The following OR56A1 variants were observed in gnomAD, a reference collection of about 807,000 sequenced individuals.
The protein encoded by OR56A1 is olfactory receptor family 56 subfamily A member 1, also known as olfactory receptor 56A1.
For synonymous variants in OR56A1, 174 were observed against 159.1 expected, an observed-to-expected ratio of 1.09 and a Z score of -0.70; for missense variants, 360 against 380.9, an observed-to-expected ratio of 0.94 and a Z score of 0.46.
chr11:6,027,097 C>A lies in OR56A1; in HGVS notation c.596G>T (p.Arg199Ile). The change falls in exon 2 of 2, where the codon AGA becomes ATA. Residue 199 changes from arginine (R) to isoleucine (I), a missense_variant. Arg to Ile is a moderately conservative substitution (Grantham distance 97). Coordinates refer to ENST00000641900, the MANE Select transcript of OR56A1 (RefSeq NM_001388488.1). ...RLSCDNFTLN[R>I]IYQFVAGWTL... Reference sequence around the variant, plus strand: ...CCAACCAGCCACAAATTGGTAGATTCTGTTAAGGGTGAAATTATCACAGGA... The same window carrying A: ...CCAACCAGCCACAAATTGGTAGATTATGTTAAGGGTGAAATTATCACAGGA... The A allele has an allele frequency of 6.2e-7, 1 of 1,614,192 alleles. No individual in the cohort carries two copies. Among genetic ancestry groups the A allele is most frequent in the Non-Finnish European group, 8.5e-7 (1 of 1,180,016 alleles).
rs866995561 is a variant in OR56A1, at chr11:6,020,944, A to C, written c.*5804T>G. 2.4e-4 allele frequency: 36 copies of C among 152,056 alleles called. No individual in the cohort carries two copies. Among genetic ancestry groups the C allele is most frequent in the African/African-American group, 8.4e-4 (35 of 41,428 alleles). The allele number at this position is 152,056 out of a possible 1,614,324, so 9.4% of individuals were successfully genotyped here. On this transcript the variant is annotated 3_prime_UTR_variant, in exon 2 of 2. Transcript: ENST00000641900. ...TTTTGGAGGTCAAAAGTTAAGAGAA[A>C]ATTTTAGAATTTCTTTGAGTAAAGA... is the stretch of plus-strand genomic sequence containing the variant.
intron 1 of OR56A1, among the ~76,000 whole-genome samples, chr11:6,030,281 C>T (rs1848499719): frequency 6.6e-6 from 1 of 152,140 alleles, no homozygotes; most frequent in Non-Finnish European, 1.5e-5. Flanking sequence ...TATTACCAGT[C>T]ATCTGATTAA....
Position 6,027,411 on chromosome 11 carries a change from C to T in OR56A1, c.282G>A (p.Ser94=), listed in dbSNP as rs368602860. The part of the protein sequence containing the change: ...VLAIFWYDLR[S]ISFPACFLQM... ...GGAGGAAGCAGGCAGGGAAGCTGATCGACCTAAGATCATACCAGAAGATGG... is the reference window on the plus strand; with the variant it reads ...GGAGGAAGCAGGCAGGGAAGCTGATTGACCTAAGATCATACCAGAAGATGG... Residue 94 remains serine (S), a synonymous_variant, in exon 2 of 2, where the codon TCG becomes TCA. Transcript: ENST00000641900. The T allele has an allele frequency of 1.2e-5, 19 of 1,614,058 alleles. No individual in the cohort carries two copies. Among genetic ancestry groups the T allele is most frequent in the African/African-American group, 5.3e-5 (4 of 74,902 alleles).
Position 6,030,682 on chromosome 11 carries a change from T to G in OR56A1, c.-35+20A>C, listed in dbSNP as rs1191112321. ...TTCTCTTGGAAGGCTGTGCATCTTA[T>G]GCTTCTACACAACACTTACTTTCTC... On this transcript the variant is annotated intron_variant, in intron 1 of 1. Transcript: ENST00000641900. The G allele has an allele frequency of 6.6e-6, 1 of 152,210 alleles. No homozygotes were observed. Among genetic ancestry groups the G allele is most frequent in the Non-Finnish European group, 1.5e-5 (1 of 68,050 alleles). The allele number at this position is 152,210 out of a possible 1,614,324, so 9.4% of individuals were successfully genotyped here.
upstream of OR56A1, among the ~76,000 whole-genome samples, chr11:6,032,216 TTATAA>T (rs1848519417): frequency 6.6e-6 from 1 of 152,206 alleles, no homozygotes; most frequent in Middle Eastern, 3.4e-3. Flanking sequence ...CATTTCAAAC[TTATAA>T]TAGAAGAAAA....
At position 6,024,979 on chromosome 11, in the gene OR56A1, C is replaced by T. The variant is rs181642585; in HGVS notation, c.*1769G>A. Reference sequence around the variant, plus strand: ...TGTTGAGTGACTGGAAGAAACTCTCCTCCTAGAGCCCACACCAGCATTGGG... The same window carrying T: ...TGTTGAGTGACTGGAAGAAACTCTCTTCCTAGAGCCCACACCAGCATTGGG... On this transcript the variant is annotated 3_prime_UTR_variant, in exon 2 of 2. Transcript: ENST00000641900. The T allele has an allele frequency of 3.8e-4, 58 of 152,302 alleles. No homozygotes were observed. Among genetic ancestry groups the T allele is most frequent in the African/African-American group, 1.3e-3 (55 of 41,554 alleles). 9.4% of individuals were successfully genotyped at this position (152,302 alleles called of 1,614,324 possible). A position where few individuals can be genotyped will look rare whatever the true frequency, so the allele number is the denominator to read the frequency against.
At position 6,027,406 on chromosome 11, in the gene OR56A1, C is replaced by T. The variant is rs1848464243; in HGVS notation, c.287G>A (p.Ser96Asn). Residue 96 changes from serine to asparagine, a missense_variant, in exon 2 of 2, where the codon AGC becomes AAC. Ser to Asn is a conservative substitution (Grantham distance 46). Transcript: ENST00000641900. ...CATCTGGAGGAAGCAGGCAGGGAAGCTGATCGACCTAAGATCATACCAGAA... is the reference window on the plus strand; with the variant it reads ...CATCTGGAGGAAGCAGGCAGGGAAGTTGATCGACCTAAGATCATACCAGAA... ...AIFWYDLRSISFPACFLQMFI... is the reference protein window; with the variant it reads ...AIFWYDLRSINFPACFLQMFI... 3 of 1,614,194 alleles carry T rather than the reference C, an allele frequency of 1.9e-6. No homozygotes were observed. Among genetic ancestry groups the T allele is most frequent in the African/African-American group, 2.7e-5 (2 of 75,042 alleles).
chr11:6,019,648 G>C lies in OR56A1; in HGVS notation c.*7100C>G, dbSNP rs76193410. 4,309 of 151,900 alleles carry C rather than the reference G, an allele frequency of 0.028. 210 individuals are homozygous for C. Among genetic ancestry groups the C allele is most frequent in the African/African-American group, 0.098 (4,055 of 41,394 alleles). The allele number at this position is 151,900 out of a possible 1,614,324, so 9.4% of individuals were successfully genotyped here. A position where few individuals can be genotyped will look rare whatever the true frequency, so the allele number is the denominator to read the frequency against. On this transcript the variant is annotated 3_prime_UTR_variant, in exon 2 of 2. Transcript: ENST00000641900. Reference sequence around the variant, plus strand: ...TTCATTCACTATCATGAGAATTATGGGTGCAGGAAAGACCCACCCCCATAA... The same window carrying C: ...TTCATTCACTATCATGAGAATTATGCGTGCAGGAAAGACCCACCCCCATAA...
chr11:6,030,174 C>A (rs1298004736), intron 1 of OR56A1, among the ~76,000 whole-genome samples: 1 of 152,102 alleles, frequency 6.6e-6, no homozygotes, highest in East Asian at 1.9e-4. Context: ...AGTACTATTA[C>A]CTCGAGTAAA....
rs368602860 is a variant in OR56A1 at position 6,027,411 on chromosome 11, C to G, written c.282G>C (p.Ser94=). 5.0e-6 allele frequency: 8 copies of G among 1,614,176 alleles called. No individual in the cohort carries two copies. The African/African-American group carries it at 5.3e-5, about 11-fold the overall frequency. ...GGAGGAAGCAGGCAGGGAAGCTGAT[C>G]GACCTAAGATCATACCAGAAGATGG... is the stretch of plus-strand genomic sequence containing the variant. ...VLAIFWYDLR[S]ISFPACFLQM... The change falls in exon 2 of 2, where the codon TCG becomes TCC. Residue 94 remains serine, a synonymous_variant. Transcript: ENST00000641900.
At position 6,026,637 on chromosome 11, in the gene OR56A1, G is replaced by T; in HGVS notation, c.*111C>A. On this transcript the variant is annotated 3_prime_UTR_variant, in exon 2 of 2. Transcript: ENST00000641900. ...GAAGGAATCTGGTTCAGTAATGAAGGGAGCCTCAGTGCATGCAATAAACAC... is the reference window on the plus strand; with the variant it reads ...GAAGGAATCTGGTTCAGTAATGAAGTGAGCCTCAGTGCATGCAATAAACAC... 1 of 686,244 alleles carries T rather than the reference G, an allele frequency of 1.5e-6. No homozygotes were observed. Among genetic ancestry groups the T allele is most frequent in the Non-Finnish European group, 2.5e-6 (1 of 397,516 alleles). 42.5% of individuals were successfully genotyped at this position (686,244 alleles called of 1,614,324 possible). A position where few individuals can be genotyped will look rare whatever the true frequency, so the allele number is the denominator to read the frequency against.
chr11:6,022,678 T>C lies in OR56A1; in HGVS notation c.*4070A>G, dbSNP rs917303573. ...CTGGTCCCTATTGATTAAATGACTA[T>C]GTATAATTTATCATTTTGCTCAGTT... On this transcript the variant is annotated 3_prime_UTR_variant, in exon 2 of 2. Coordinates refer to ENST00000641900, the MANE Select transcript of OR56A1 (RefSeq NM_001388488.1). 1 of 152,148 alleles carries C rather than the reference T, an allele frequency of 6.6e-6. No individual in the cohort carries two copies. The highest frequency in any genetic ancestry group is 2.4e-5 in the African/African-American group (1 of 41,442). The allele number at this position is 152,148 out of a possible 1,614,324, so 9.4% of individuals were successfully genotyped here. A position where few individuals can be genotyped will look rare whatever the true frequency, so the allele number is the denominator to read the frequency against.
At chr11:6,031,983 G>A (rs760307554), upstream of OR56A1, among the ~76,000 whole-genome samples, 1 of 152,010 alleles carries the variant, frequency 6.6e-6, no homozygotes, top group Non-Finnish European at 1.5e-5. Context: ...AAAAACCAAG[G>A]GGAAAATTTC....
chr11:6,021,290 AC>A lies in OR56A1; in HGVS notation c.*5457del, dbSNP rs1489321372. 1 of 152,128 alleles carries A rather than the reference AC, an allele frequency of 6.6e-6. No individual in the cohort carries two copies. The highest frequency in any genetic ancestry group is 1.5e-5 in the Non-Finnish European group (1 of 67,996). 9.4% of individuals were successfully genotyped at this position (152,128 alleles called of 1,614,324 possible). A position where few individuals can be genotyped will look rare whatever the true frequency, so the allele number is the denominator to read the frequency against. ...AATTTAAAAAATGTATTGATCCTACACAAATTACAATTAGAAAGGAGAAACA... is the reference window on the plus strand; with the variant it reads ...AATTTAAAAAATGTATTGATCCTACAAAATTACAATTAGAAAGGAGAAACA... On this transcript the variant is annotated 3_prime_UTR_variant, in exon 2 of 2. Transcript: ENST00000641900.
In OR56A1 at chr11:6,027,106, G is replaced by C; in HGVS notation, c.587C>G (p.Thr196Ser). The C allele has an allele frequency of 6.2e-7, 1 of 1,614,158 alleles. No individual in the cohort carries two copies. Among genetic ancestry groups the C allele is most frequent in the Non-Finnish European group, 8.5e-7 (1 of 1,179,982 alleles). Residue 196 changes from threonine to serine, a missense_variant, in exon 2 of 2, where the codon ACC (threonine) becomes AGC (serine). Transcript: ENST00000641900. ...CACAAATTGGTAGATTCTGTTAAGG[G>C]TGAAATTATCACAGGAGAGCCTGGA... ...SVSRLSCDNF[T>S]LNRIYQFVAG...
At chr11:6,028,874 T>C (rs1262213764) in intron 1 of OR56A1, among the ~76,000 whole-genome samples, 1 of 152,088 alleles carries the variant, frequency 6.6e-6, no homozygotes. Context: ...AGCAAAGATA[T>C]GGAATCAACC....
In OR56A1 at chr11:6,027,407, T is replaced by C. The variant is rs1177639613; in HGVS notation, c.286A>G (p.Ser96Gly). The C allele has an allele frequency of 1.2e-6, 2 of 1,614,206 alleles. No individual in the cohort carries two copies. The highest frequency in any genetic ancestry group is 1.7e-6 in the Non-Finnish European group (2 of 1,180,028). Residue 96 changes from serine to glycine, a missense_variant, in exon 2 of 2, where the codon AGC becomes GGC. Transcript: ENST00000641900. Reference protein sequence around the residue: ...AIFWYDLRSISFPACFLQMFI... With the variant: ...AIFWYDLRSIGFPACFLQMFI... ...ATCTGGAGGAAGCAGGCAGGGAAGC[T>C]GATCGACCTAAGATCATACCAGAAG... is the stretch of plus-strand genomic sequence containing the variant.
At chr11:6,033,425 T>A (rs537688148), upstream of OR56A1, among the ~76,000 whole-genome samples, 1 of 151,128 alleles carries the variant, frequency 6.6e-6, no homozygotes, top group African/African-American at 2.4e-5. Context: ...GTATCTAGTA[T>A]GTACCAGACA....
At chr11:6,031,017 A>T (rs575910816), upstream of OR56A1, among the ~76,000 whole-genome samples, 1 of 152,322 alleles carries the variant, frequency 6.6e-6, no homozygotes, top group South Asian at 2.1e-4. Flanking sequence ...AAAATTTCTG[A>T]ACTCAACCCT....
Sources: gnomAD v4.1 joint callset for allele counts (sites outside exome capture counted in the v4.1 genomes callset) on GRCh38, gnomAD v4.1.1 for gene constraint, MANE v1.5 for transcripts, NCBI Gene and HGNC (gene_info 2026-07-23, HGNC 2026-07-21) for gene names.